DMTF1: variants seen among roughly 807,000 people sequenced by gnomAD.
The protein encoded by DMTF1 is cyclin D binding myb like transcription factor 1, also known as cyclin-D-binding Myb-like transcription factor 1.
Under a neutral mutation model 91.1 loss-of-function variants are expected in DMTF1, and 39 were observed. That is an observed-to-expected ratio of 0.43 (90% confidence interval 0.33 to 0.56). The LOEUF is 0.56. Among genes scored for constraint, DMTF1 ranks in the 20% least tolerant of loss-of-function variants. The pLI is 0.05. For missense variants in DMTF1, 750 were observed against 914.5 expected (o/e 0.82, Z 2.32); for synonymous variants, 338 against 309.5 (o/e 1.09, Z -0.97).
intron 7 of DMTF1, among the ~76,000 whole-genome samples, chr7:87,175,182 G>A (rs1015954835): frequency 2.6e-5 from 4 of 151,694 alleles, no homozygotes; most frequent in Admixed American, 6.6e-5. Flanking sequence ...CACCACGCCC[G>A]GCTAATTTTT....
chr7:87,186,223 C>G (rs1798393648), intron 12 of DMTF1: 1 of 448,850 alleles, frequency 2.2e-6, no homozygotes, highest in African/African-American at 2.0e-5. Context: ...CGTAAACTAT[C>G]AGGAGGAAAT....
At chr7:87,156,684 A>T (rs1173861612) in intron 1 of DMTF1, among the ~76,000 whole-genome samples, 2 of 152,118 alleles carry the variant, frequency 1.3e-5, no homozygotes, top group Non-Finnish European at 2.9e-5. Flanking sequence ...CATGTTTAGG[A>T]TGTATGAATT....
At chr7:87,166,701 T>A (rs762671978) in intron 4 of DMTF1, 96 bp downstream of exon 4, 23 of 1,226,886 alleles carry the variant, frequency 1.9e-5, no homozygotes, top group Non-Finnish European at 2.6e-5. Flanking sequence ...GACTTGGACT[T>A]ACTGCTTTTT....
In DMTF1 at chr7:87,165,054, G is replaced by A. The variant is rs1466872064; in HGVS notation, c.109+4G>A. On this transcript the variant is annotated splice_donor_region_variant and intron_variant, in intron 3 of 17. Transcript: ENST00000331242. ...ATTCTTCACTGCCCTCAGAATGGTA[G>A]GAGAACTTGCTGACATATAATTCTG... 6 of 1,587,532 alleles carry A rather than the reference G, an allele frequency of 3.8e-6. 1 individual carries two copies. In the Admixed American group the frequency reaches 1.0e-4, roughly 27 times the overall value.
chr7:87,154,872 GT>G lies in DMTF1; in HGVS notation c.-132+2318del, dbSNP rs1172551525. 2.0e-5 allele frequency among the ~76,000 whole-genome samples: 3 copies of G among 152,068 alleles called. No individual in the cohort carries two copies. In the East Asian group the frequency reaches 5.8e-4, roughly 29 times the overall value. On this transcript the variant is annotated intron_variant, in intron 1 of 17. Coordinates refer to ENST00000331242, the MANE Select transcript of DMTF1 (RefSeq NM_001142327.2). ...AAGGTTAGTTTGATATCACTGGTTA[GT>G]ATTTAAATAACAACAAAAAACTTGC... is the stretch of plus-strand genomic sequence containing the variant.
At chr7:87,164,841 TAAATG>T in intron 2 of DMTF1, 88 bp from the exon 3 acceptor site, 1 of 635,732 alleles carries the variant, frequency 1.6e-6, no homozygotes, top group Non-Finnish European at 2.5e-6. Flanking sequence ...GATACCCAAA[TAAATG>T]TGTGTGGTAT....
rs763311153 is a variant in DMTF1 at position 87,174,678 on chromosome 7, T to C, written c.519+9T>C. 4 of 1,584,472 alleles carry C rather than the reference T, an allele frequency of 2.5e-6. No individual in the cohort carries two copies. Among genetic ancestry groups the C allele is most frequent in the East Asian group, 2.3e-5 (1 of 44,314 alleles). ...TTGAACGCTATCTTAAGGTATCTTA[T>C]GGCATATTTTTATGTTTCACCAATT... On this transcript the variant is annotated intron_variant, in intron 7 of 17. Coordinates refer to ENST00000331242, the MANE Select transcript of DMTF1 (RefSeq NM_001142327.2).
Position 87,193,195 on chromosome 7 carries a change from T to C in DMTF1, c.1495-3T>C, listed in dbSNP as rs1396345971. On this transcript the variant is annotated splice_polypyrimidine_tract_variant and splice_region_variant and intron_variant, in intron 14 of 17. Coordinates refer to ENST00000331242, the MANE Select transcript of DMTF1 (RefSeq NM_001142327.2). ...GTTAAACTATCTTTCCTTTTTCCTT[T>C]AGTCTTTCCATCTACAGCCCACTGG... The C allele has an allele frequency of 2.5e-6, 4 of 1,612,798 alleles. No individual in the cohort carries two copies. In the East Asian group the frequency reaches 8.9e-5, roughly 36 times the overall value.
intron 7 of DMTF1, among the ~76,000 whole-genome samples, chr7:87,178,312 G>A (rs570411562): frequency 6.6e-6 from 1 of 152,022 alleles, no homozygotes; most frequent in South Asian, 2.1e-4. Flanking sequence ...GCTAAAATTA[G>A]TTCTTTTTTA....
In DMTF1 at chr7:87,184,730, A is replaced by T. The variant is rs927763939; in HGVS notation, c.1049+105A>T. 3.2e-6 allele frequency: 3 copies of T among 925,224 alleles called. No individual in the cohort carries two copies. In the African/African-American group the frequency reaches 4.9e-5, roughly 15 times the overall value. The allele number at this position is 925,224 out of a possible 1,614,324, so 57.3% of individuals were successfully genotyped here. ...CCTGGATGCCTAGTGTCTGAAAAGT[A>T]TCCTTTCCATAGAGCACTACTGTTT... On this transcript the variant is annotated intron_variant, in intron 11 of 17. Coordinates refer to ENST00000331242, the MANE Select transcript of DMTF1 (RefSeq NM_001142327.2).
At chr7:87,181,029 T>G (rs1322097910) in intron 8 of DMTF1, among the ~76,000 whole-genome samples, 3 of 152,100 alleles carry the variant, frequency 2.0e-5, no homozygotes, top group Admixed American at 2.0e-4. Flanking sequence ...TTTCTGTTTT[T>G]GGTAGAGATG....
At chr7:87,173,702 A>C in intron 6 of DMTF1, 53 bp downstream of exon 6, 2 of 1,133,316 alleles carry the variant, frequency 1.8e-6, no homozygotes, top group Non-Finnish European at 2.6e-6. Context: ...GGAGATAGAA[A>C]GGGCTTATAG....
chr7:87,194,038 T>A lies in DMTF1; in HGVS notation c.1964T>A (p.Ile655Asn), dbSNP rs1304007194. 1 of 1,612,530 alleles carries A rather than the reference T, an allele frequency of 6.2e-7. No homozygotes were observed. Among genetic ancestry groups the A allele is most frequent in the East Asian group, 2.2e-5 (1 of 44,828 alleles). Residue 655 changes from isoleucine (I) to asparagine (N), a missense_variant, in exon 16 of 18, where the codon ATC (isoleucine) becomes AAC (asparagine). Transcript: ENST00000331242. ...GTTATGGTCAGAACAGAAGAAGAAA[T>A]CTCTGACACCGACCTTAAACAAGAG... ...NSVMVRTEEE[I>N]SDTDLKQEES...
intron 3 of DMTF1, 97 bp from the exon 4 acceptor site, chr7:87,166,386 A>AT (rs1370816826): frequency 1.5e-6 from 2 of 1,315,398 alleles, no homozygotes; most frequent in African/African-American, 1.5e-5. Flanking sequence ...TGGTAAGAAA[A>AT]TTTTTTTAAT....
rs750764856 is a variant in DMTF1 at position 87,182,232 on chromosome 7, C to T, written c.715C>T (p.Arg239Trp). The T allele has an allele frequency of 5.6e-6, 9 of 1,613,874 alleles. No homozygotes were observed. The highest frequency in any genetic ancestry group is 3.3e-5 in the Admixed American group (2 of 59,982). Residue 239 changes from arginine (R) to tryptophan (W), a missense_variant, in exon 10 of 18, where the codon CGG (arginine) becomes TGG (tryptophan). Around this residue, in one of 3 missense-constraint regions of DMTF1, gnomAD observed 190 missense variants for 343.8 expected, o/e 0.55. Transcript: ENST00000331242. Reference sequence around the variant, plus strand: ...ATTGGCAGACTCTTGTTTTAGGCTCCGGATAAAGCATGGCAATGACTGGGC... The same window carrying T: ...ATTGGCAGACTCTTGTTTTAGGCTCTGGATAAAGCATGGCAATGACTGGGC... ...PEEIEKLKELRIKHGNDWATI... is the reference protein window; with the variant it reads ...PEEIEKLKELWIKHGNDWATI...
chr7:87,165,188 A>G (rs1793544328), intron 3 of DMTF1, 138 bp downstream of exon 3: 2 of 485,490 alleles, frequency 4.1e-6, no homozygotes, highest in Admixed American at 4.0e-5. Flanking sequence ...TTATCTCTTT[A>G]ACATAAATGT....
chr7:87,165,106 C>A, intron 3 of DMTF1, 56 bp downstream of exon 3: 2 of 1,328,528 alleles, frequency 1.5e-6, no homozygotes, highest in African/African-American at 1.5e-5. Context: ...AATTCCATGT[C>A]ACTTTTGACC....
At chr7:87,180,645 A>G (rs1200155154) in intron 8 of DMTF1, among the ~76,000 whole-genome samples, 1 of 151,974 alleles carries the variant, frequency 6.6e-6, no homozygotes, top group African/African-American at 2.4e-5. Context: ...CTAGTTTACA[A>G]TGTCACCCAT....
chr7:87,167,175 C>T (rs1474869997), intron 4 of DMTF1, among the ~76,000 whole-genome samples: 2 of 152,178 alleles, frequency 1.3e-5, no homozygotes, highest in East Asian at 3.8e-4. Context: ...GCCATATTGC[C>T]TCTTCAGTAT....
Sources: allele counts gnomAD v4.1 joint callset (sites outside exome capture counted in the v4.1 genomes callset), GRCh38; gene constraint gnomAD v4.1.1; regional missense constraint gnomAD v4.1.1; transcripts MANE v1.5; gene names NCBI Gene and HGNC (gene_info 2026-07-23, HGNC 2026-07-21).